The following PRKAG2 variants were observed in gnomAD, a reference collection of about 807,000 sequenced individuals.
The protein encoded by PRKAG2 is protein kinase AMP-activated non-catalytic subunit gamma 2, also known as 5'-AMP-activated protein kinase subunit gamma-2.
In PRKAG2, 26 loss-of-function variants were observed where a neutral mutation model predicts 69.6. That is an observed-to-expected ratio of 0.37 (90% CI 0.27 to 0.52). The LOEUF (loss-of-function observed/expected upper bound fraction) is 0.52. Ranked by LOEUF, PRKAG2 falls within the 20% of genes least tolerant of loss-of-function variation. PRKAG2 has a pLI of 0.90. For synonymous variants in PRKAG2, 293 were observed against 285.0 expected (o/e 1.03, Z -0.28); for missense variants, 557 against 740.0 (o/e 0.75, Z 2.87).
chr7:151,658,723 T>C (rs1829877083), intron 4 of PRKAG2, among the ~76,000 whole-genome samples: 1 of 152,222 alleles, frequency 6.6e-6, no homozygotes, highest in South Asian at 2.1e-4. Context: ...AAGATGATTT[T>C]AAACTAATCT....
intron 3 of PRKAG2, among the ~76,000 whole-genome samples, chr7:151,727,588 A>G (rs1256119533): frequency 6.6e-6 from 1 of 152,180 alleles, no homozygotes; most frequent in African/African-American, 2.4e-5. Context: ...TGTGCTGCCA[A>G]CTGGACATCC....
chr7:151,825,609 T>C (rs1205206504), intron 1 of PRKAG2, among the ~76,000 whole-genome samples: 1 of 152,206 alleles, frequency 6.6e-6, no homozygotes, highest in Non-Finnish European at 1.5e-5. Flanking sequence ...CCCAGCACAG[T>C]GGGAAGAATA....
intron 1 of PRKAG2, among the ~76,000 whole-genome samples, chr7:151,856,045 T>C (rs2079767648): frequency 6.6e-6 from 1 of 152,242 alleles, no homozygotes; most frequent in South Asian, 2.1e-4. Context: ...AGGCCACACA[T>C]TCTGCCCTTG....
intron 1 of PRKAG2, among the ~76,000 whole-genome samples, chr7:151,813,791 A>G (rs568290655): frequency 6.6e-6 from 1 of 152,040 alleles, no homozygotes; most frequent in Admixed American, 6.6e-5. Flanking sequence ...TGGATTCCCC[A>G]CAACTTCAGC....
At chr7:151,569,127 GC>G (rs1156329867) in intron 10 of PRKAG2, among the ~76,000 whole-genome samples, 1 of 152,092 alleles carries the variant, frequency 6.6e-6, no homozygotes, top group Non-Finnish European at 1.5e-5. Context: ...ATGGCTCACT[GC>G]AGCCTTGACC....
chr7:151,641,095 G>T (rs1474037331), intron 4 of PRKAG2, among the ~76,000 whole-genome samples: 1 of 152,168 alleles, frequency 6.6e-6, no homozygotes, highest in Non-Finnish European at 1.5e-5. Context: ...GCCAAGAAAT[G>T]ATGGCAGGGT....
intron 5 of PRKAG2, among the ~76,000 whole-genome samples, chr7:151,618,343 C>A (rs1399203720): frequency 1.3e-5 from 2 of 151,986 alleles, no homozygotes; most frequent in Non-Finnish European, 2.9e-5. Context: ...ATCCCAGCTA[C>A]TCAGGAGCCT....
chr7:151,676,778 T>C (rs1833008474), intron 3 of PRKAG2, among the ~76,000 whole-genome samples: 1 of 152,150 alleles, frequency 6.6e-6, no homozygotes, highest in South Asian at 2.1e-4. Context: ...CAACCAAGTC[T>C]AGATGAGATT....
chr7:151,597,704 A>G (rs1814899352), intron 5 of PRKAG2, among the ~76,000 whole-genome samples: 1 of 152,158 alleles, frequency 6.6e-6, no homozygotes, highest in African/African-American at 2.4e-5. Flanking sequence ...TAGTCACTGG[A>G]GAAATGCAAA....
chr7:151,761,449 A>T (rs2075406792), intron 3 of PRKAG2, among the ~76,000 whole-genome samples: 1 of 152,114 alleles, frequency 6.6e-6, no homozygotes, highest in Non-Finnish European at 1.5e-5. Flanking sequence ...TCTGGCAACC[A>T]ATTTGACCTC....
chr7:151,564,180 C>G lies in PRKAG2; in HGVS notation c.1482G>C (p.Val494=), dbSNP rs770308227. ...EKTYNNLDIT[V]TQALQHRSQY... is the part of the protein sequence containing the mutation. The stretch of plus-strand genomic sequence containing the variant: ...GTGAACGGTGCTGAAGGGCCTGGGT[C>G]ACCGTGATATCTAGGTTATTGTATG... Residue 494 remains valine (V), a synonymous_variant, in exon 14 of 16, where the codon GTG becomes GTC. Coordinates refer to ENST00000287878, the MANE Select transcript of PRKAG2 (RefSeq NM_016203.4). 2 of 1,614,032 alleles carry G rather than the reference C, an allele frequency of 1.2e-6. No individual in the cohort carries two copies. Among genetic ancestry groups the G allele is most frequent in the African/African-American group, 1.3e-5 (1 of 74,916 alleles).
intron 4 of PRKAG2, among the ~76,000 whole-genome samples, chr7:151,670,614 C>G (rs993037139): frequency 1.3e-5 from 2 of 152,180 alleles, no homozygotes; most frequent in Non-Finnish European, 1.5e-5. Context: ...AATAACGGAA[C>G]GGGTTCTATC....
intron 4 of PRKAG2, among the ~76,000 whole-genome samples, chr7:151,672,892 C>T (rs1342120484): frequency 6.6e-6 from 1 of 152,160 alleles, no homozygotes; most frequent in Non-Finnish European, 1.5e-5. Flanking sequence ...GCTGAGCATA[C>T]TCACTCTCTC....
chr7:151,877,017 C>G lies in PRKAG2; in HGVS notation c.-397G>C, dbSNP rs886062106. On this transcript the variant is annotated 5_prime_UTR_variant, in exon 1 of 16. Transcript: ENST00000287878. ...TCTGAAAGGCAGGTGCAATTAAAAC[C>G]AGCAATTTGGAAAACAAGCCTCCTA... is the stretch of plus-strand genomic sequence containing the variant. 5.9e-5 allele frequency: 19 copies of G among 322,922 alleles called. No individual in the cohort carries two copies. In the Admixed American group the frequency reaches 8.3e-4, roughly 14 times the overall value. 20.0% of individuals were successfully genotyped at this position (322,922 alleles called of 1,614,324 possible).
At chr7:151,628,299 A>T (rs186122520) in intron 5 of PRKAG2, among the ~76,000 whole-genome samples, 1 of 152,354 alleles carries the variant, frequency 6.6e-6, no homozygotes. Flanking sequence ...AGGTGCTTAC[A>T]AAGTACTTTG....
intron 4 of PRKAG2, among the ~76,000 whole-genome samples, chr7:151,649,751 A>G (rs961442891): frequency 4.6e-5 from 7 of 151,900 alleles, no homozygotes; most frequent in African/African-American, 1.7e-4. Context: ...CGGCCCCTTC[A>G]CCTTCTGCCA....
At chr7:151,717,285 T>C (rs1796342821) in intron 3 of PRKAG2, among the ~76,000 whole-genome samples, 1 of 150,606 alleles carries the variant, frequency 6.6e-6, no homozygotes, top group African/African-American at 2.4e-5. Context: ...AGAGGTTGCC[T>C]TCATAAAGCT....
At chr7:151,631,991 CG>C in intron 5 of PRKAG2, 77 bp downstream of exon 5, 1 of 1,144,388 alleles carries the variant, frequency 8.7e-7, no homozygotes, top group Non-Finnish European at 1.1e-6. Flanking sequence ...AGATGGGGCG[CG>C]GGGTCCCCGC....
chr7:151,625,122 T>C (rs1822531177), intron 5 of PRKAG2, among the ~76,000 whole-genome samples: 1 of 152,134 alleles, frequency 6.6e-6, no homozygotes, highest in South Asian at 2.1e-4. Context: ...CACAAAGAAG[T>C]GCGTCCCCCT....
Sources: allele counts gnomAD v4.1 joint callset (sites outside exome capture counted in the v4.1 genomes callset), GRCh38; gene constraint gnomAD v4.1.1; transcripts MANE v1.5; gene names NCBI Gene and HGNC (gene_info 2026-07-23, HGNC 2026-07-21).